LTBP2: variants seen among roughly 807,000 people sequenced by gnomAD.
LTBP2 encodes the protein latent transforming growth factor beta binding protein 2, also known as latent-transforming growth factor beta-binding protein 2.
A neutral mutation model predicts 210.6 loss-of-function variants in LTBP2; 103 were observed. That is an observed-to-expected ratio of 0.49 (90% CI 0.42 to 0.58). The LOEUF (loss-of-function observed/expected upper bound fraction) is 0.58, where lower values mean the gene tolerates loss of function less well. Among genes scored for constraint, LTBP2 ranks in the 20% least tolerant of loss-of-function variants. LTBP2 has a pLI of 0.00. For missense variants in LTBP2, 2,313 were observed against 2,494.5 expected (o/e 0.93, Z 1.55); for synonymous variants, 1,007 against 1,015.0 (o/e 0.99, Z 0.15).
chr14:74,592,021 G>A (rs187499736), intron 2 of LTBP2, among the ~76,000 whole-genome samples: 1 of 152,138 alleles, frequency 6.6e-6, no homozygotes, highest in African/African-American at 2.4e-5. Context: ...CTGCATGTTG[G>A]TACTTAAGAT....
intron 3 of LTBP2, among the ~76,000 whole-genome samples, 154 bp downstream of exon 3, chr14:74,585,700 G>A (rs1415492606): frequency 6.6e-6 from 1 of 152,148 alleles, no homozygotes; most frequent in Non-Finnish European, 1.5e-5. Flanking sequence ...TCATATCTCT[G>A]GCCATGCCAG....
chr14:74,506,835 T>A lies in LTBP2; in HGVS notation c.3908-12A>T, dbSNP rs780166561. ...GCACTCGTCTATGTCTGTGGGACAG[T>A]GGGAACCAGGATAGAGGATGTGTGT... On this transcript the variant is annotated splice_polypyrimidine_tract_variant and intron_variant, in intron 26 of 35. Transcript: ENST00000261978. 2.5e-6 allele frequency: 4 copies of A among 1,613,036 alleles called. No individual in the cohort carries two copies.
chr14:74,535,793 C>T, intron 9 of LTBP2, 133 bp downstream of exon 9: 2 of 802,022 alleles, frequency 2.5e-6, no homozygotes, highest in Non-Finnish European at 2.1e-6. Flanking sequence ...CAGCAGCCCC[C>T]CACCACTCCC....
chr14:74,585,920 C>A lies in LTBP2; in HGVS notation c.764G>T (p.Gly255Val), dbSNP rs1210629720. ...TGGCGGCTGTGCTCTGGCCAAGGTG[C>A]CCTCTCCAGCCGCACTGCTCCTGCG... ...NLRRSSAAGE[G>V]TLARAQPPAP... Residue 255 changes from glycine (G) to valine (V), a missense_variant, in exon 3 of 36, where the codon GGC (glycine) becomes GTC (valine). Gly to Val is a moderately radical substitution (Grantham distance 109). Coordinates refer to ENST00000261978, the MANE Select transcript of LTBP2 (RefSeq NM_000428.3). 3.1e-6 allele frequency: 5 copies of A among 1,613,460 alleles called. No individual in the cohort carries two copies. In the South Asian group the frequency reaches 4.4e-5, roughly 14 times the overall value.
chr14:74,505,045 C>T lies in LTBP2; in HGVS notation c.4307G>A (p.Cys1436Tyr). The change falls in exon 29 of 36, where the codon TGC becomes TAC. Residue 1436 changes from cysteine (C) to tyrosine (Y), a missense_variant. Around this residue, in one of 3 missense-constraint regions of LTBP2, gnomAD observed 1,867 missense variants for 1,976.9 expected, o/e 0.94. Transcript: ENST00000261978. ...CCAGCTAGCGCCCTGGGTGCAGCAGCATTCAGCCTGTGTGGTGTTCCGGCC... is the reference window on the plus strand; with the variant it reads ...CCAGCTAGCGCCCTGGGTGCAGCAGTATTCAGCCTGTGTGGTGTTCCGGCC... ...VLGRNTTQAE[C>Y]CCTQGASWGD... is the part of the protein sequence containing the mutation. The T allele has an allele frequency of 6.2e-7, 1 of 1,614,216 alleles. No homozygotes were observed. The highest frequency in any genetic ancestry group is 8.5e-7 in the Non-Finnish European group (1 of 1,180,034).
intron 3 of LTBP2, among the ~76,000 whole-genome samples, chr14:74,577,912 A>G (rs2088081842): frequency 6.6e-6 from 1 of 152,118 alleles, no homozygotes. Context: ...CTCCGAGCAC[A>G]CGTTGGTCTT....
At position 74,611,827 on chromosome 14, in the gene LTBP2, C is replaced by T. The variant is rs879740508; in HGVS notation, c.118G>A (p.Val40Ile). 6 of 1,611,640 alleles carry T rather than the reference C, an allele frequency of 3.7e-6. No homozygotes were observed. Among genetic ancestry groups the T allele is most frequent in the Non-Finnish European group, 5.1e-6 (6 of 1,179,644 alleles). ...CCACCAGCCGGCTCGTATCTCCCTACGGGGTCCCTTTGGGCATGACCCGCG... is the reference window on the plus strand; with the variant it reads ...CCACCAGCCGGCTCGTATCTCCCTATGGGGTCCCTTTGGGCATGACCCGCG... ...VGAGHAQRDPVGRYEPAGGDA... is the reference protein window; with the variant it reads ...VGAGHAQRDPIGRYEPAGGDA... Residue 40 changes from valine (V) to isoleucine (I), a missense_variant, in exon 1 of 36, where the codon GTA becomes ATA. Around this residue, in one of 3 missense-constraint regions of LTBP2, gnomAD observed 1,867 missense variants for 1,976.9 expected, o/e 0.94. Coordinates refer to ENST00000261978, the MANE Select transcript of LTBP2 (RefSeq NM_000428.3).
rs200534745 is a variant in LTBP2 at position 74,555,710 on chromosome 14, G to A, written c.831-17C>T. 818 of 1,493,462 alleles carry A rather than the reference G, an allele frequency of 5.5e-4. 1 individual carries two copies. Among genetic ancestry groups the A allele is most frequent in the Non-Finnish European group, 7.1e-4 (789 of 1,118,266 alleles). The allele number at this position is 1,493,462 out of a possible 1,614,324, so 92.5% of individuals were successfully genotyped here. A position where few individuals can be genotyped will look rare whatever the true frequency, so the allele number is the denominator to read the frequency against. ...CTCAGGGTCCTGTGGAGACAACCGCGGCACGGGGGTTTGCACCCTGGGAAC... is the reference window on the plus strand; with the variant it reads ...CTCAGGGTCCTGTGGAGACAACCGCAGCACGGGGGTTTGCACCCTGGGAAC... On this transcript the variant is annotated splice_polypyrimidine_tract_variant and intron_variant, in intron 3 of 35. Coordinates refer to ENST00000261978, the MANE Select transcript of LTBP2 (RefSeq NM_000428.3).
intron 35 of LTBP2, 42 bp from the exon 36 acceptor site, chr14:74,501,071 C>A (rs761924894): frequency 3.1e-6 from 5 of 1,593,688 alleles, no homozygotes; most frequent in Non-Finnish European, 4.3e-6. Context: ...AGCCCAGGTG[C>A]CTCTGCTGGC....
chr14:74,509,162 C>A, intron 22 of LTBP2, 76 bp downstream of exon 22: 1 of 1,604,596 alleles, frequency 6.2e-7, no homozygotes, highest in South Asian at 1.1e-5. Flanking sequence ...CAGCAGCCCC[C>A]CACCTGCTGG....
intron 11 of LTBP2, 108 bp from the exon 12 acceptor site, chr14:74,528,806 G>T: frequency 6.6e-7 from 1 of 1,515,424 alleles, no homozygotes; most frequent in South Asian, 1.2e-5. Flanking sequence ...GCAGCAAGGA[G>T]GGAGGGAGCC....
chr14:74,594,310 C>T (rs1264622419), intron 2 of LTBP2, among the ~76,000 whole-genome samples: 4 of 152,158 alleles, frequency 2.6e-5, no homozygotes, highest in Non-Finnish European at 5.9e-5. Context: ...ATAGAGGAGG[C>T]ACCAACTTCA....
Position 74,500,841 on chromosome 14 carries a change from C to T in LTBP2, c.*43G>A, listed in dbSNP as rs773332497. On this transcript the variant is annotated 3_prime_UTR_variant, in exon 36 of 36. Coordinates refer to ENST00000261978, the MANE Select transcript of LTBP2 (RefSeq NM_000428.3). ...TCATCCTCAAGGCCCCTGCCTGTGA[C>T]TGGAGGCCATTTCCAGGTAGTTGCC... The T allele has an allele frequency of 1.2e-6, 2 of 1,612,186 alleles. No individual in the cohort carries two copies. The highest frequency in any genetic ancestry group is 2.7e-5 in the African/African-American group (2 of 74,884).
At position 74,550,554 on chromosome 14, in the gene LTBP2, A is replaced by G. The variant is rs189012894; in HGVS notation, c.1686+510T>C. ...CCTATTCTTGGGTGCCTGGCCTCAG[A>G]AAATCTTCCCTGATTTCCCATTATG... On this transcript the variant is annotated intron_variant, in intron 7 of 35. Coordinates refer to ENST00000261978, the MANE Select transcript of LTBP2 (RefSeq NM_000428.3). Among the ~76,000 whole-genome samples the G allele has an allele frequency of 1.5e-3, 226 of 152,326 alleles. 1 individual carries two copies. Among genetic ancestry groups the G allele is most frequent in the African/African-American group, 5.3e-3 (220 of 41,564 alleles).
At chr14:74,528,844 C>G in intron 11 of LTBP2, 114 bp downstream of exon 11, 2 of 1,519,384 alleles carry the variant, frequency 1.3e-6, no homozygotes, top group Non-Finnish European at 1.8e-6. Context: ...CGTGAGCAGG[C>G]AGGGAAGGCT....
intron 10 of LTBP2, among the ~76,000 whole-genome samples, chr14:74,529,533 C>G (rs1566625464): frequency 6.6e-6 from 1 of 152,158 alleles, no homozygotes; most frequent in Non-Finnish European, 1.5e-5. Flanking sequence ...GGAGCTAAGG[C>G]CGGATGGGGA....
At position 74,508,030 on chromosome 14, in the gene LTBP2, A is replaced by G. The variant is rs2087013224; in HGVS notation, c.3718T>C (p.Phe1240Leu). 1 of 1,613,880 alleles carries G rather than the reference A, an allele frequency of 6.2e-7. No individual in the cohort carries two copies. The highest frequency in any genetic ancestry group is 8.5e-7 in the Non-Finnish European group (1 of 1,180,046). The change falls in exon 25 of 36, where the codon TTC becomes CTC. Residue 1240 changes from phenylalanine to leucine, a missense_variant. Phe to Leu is a conservative substitution (Grantham distance 22, BLOSUM62 0). This residue lies in a region of LTBP2 where 1,867 missense variants were observed against 1,976.9 expected (regional missense o/e 0.94). Transcript: ENST00000261978. ...AAGCCAGTCTCACATAGACAGTTGAAGGAGCCCTCGGTGTTGACACAGTGC... is the reference window on the plus strand; with the variant it reads ...AAGCCAGTCTCACATAGACAGTTGAGGGAGCCCTCGGTGTTGACACAGTGC... ...GGHCVNTEGS[F>L]NCLCETGFQP...
rs1303624662 is a variant in LTBP2, at chr14:74,499,090, A to ACTT, written c.*1791_*1793dup. 9.2e-6 allele frequency: 2 copies of ACTT among 217,932 alleles called. No individual in the cohort carries two copies. The highest frequency in any genetic ancestry group is 1.8e-5 in the Non-Finnish European group (2 of 108,470). 13.5% of individuals were successfully genotyped at this position (217,932 alleles called of 1,614,324 possible). A position where few individuals can be genotyped will look rare whatever the true frequency, so the allele number is the denominator to read the frequency against. On this transcript the variant is annotated 3_prime_UTR_variant, in exon 36 of 36. Transcript: ENST00000261978. ...TGCCATATTGTCCTCTTCAATATGT[A>ACTT]CTTCTGTCAGCTGTTATGAGAGTAC...
At chr14:74,540,848 T>TTTGTATATAATATATATATTTATATATTA (rs1555350202) in intron 8 of LTBP2, among the ~76,000 whole-genome samples, 1 of 68,870 alleles carries the variant, frequency 1.5e-5, no homozygotes, top group Non-Finnish European at 2.9e-5. Flanking sequence ...TTTATATATA[T>TTTGTATATAATATATATATTTATATATTA]TATATATATT....
Sources: gnomAD v4.1 joint callset for allele counts (sites outside exome capture counted in the v4.1 genomes callset) on GRCh38, gnomAD v4.1.1 for gene constraint, gnomAD v4.1.1 regional missense constraint, MANE v1.5 for transcripts, NCBI Gene and HGNC (gene_info 2026-07-23, HGNC 2026-07-21) for gene names.